SLC17A8: variants seen among roughly 807,000 people sequenced by gnomAD.
SLC17A8 encodes solute carrier family 17 member 8.
SLC17A8 carries 31 observed loss-of-function variants against 58.0 expected under a neutral mutation model. The ratio of observed to expected loss-of-function variants is 0.53; its 90% CI spans 0.40 to 0.72. The LOEUF is 0.72. Ranked by LOEUF, SLC17A8 falls within the 30% of genes least tolerant of loss-of-function variation. The pLI, the probability that SLC17A8 is intolerant of heterozygous loss-of-function variation, is 0.00. For synonymous variants in SLC17A8, 228 were observed against 249.0 expected (o/e 0.92, Z 0.79); for missense variants, 655 against 727.8 (o/e 0.90, Z 1.15).
chr12:100,416,699 T>C (rs1593009144), intron 10 of SLC17A8, among the ~76,000 whole-genome samples: 1 of 152,342 alleles, frequency 6.6e-6, no homozygotes, highest in Non-Finnish European at 1.5e-5. Flanking sequence ...ACTTTGCTAG[T>C]TCAGGGGAGA....
chr12:100,386,290 T>A (rs1049135112), intron 2 of SLC17A8, among the ~76,000 whole-genome samples: 8 of 152,190 alleles, frequency 5.3e-5, no homozygotes, highest in East Asian at 3.8e-4. Context: ...AAATTTATAA[T>A]TTTAAAAAAT....
chr12:100,383,676 G>A lies in SLC17A8; in HGVS notation c.354+2723G>A, dbSNP rs76259976. On this transcript the variant is annotated intron_variant, in intron 2 of 11. Coordinates refer to ENST00000323346, the MANE Select transcript of SLC17A8 (RefSeq NM_139319.3). ...AAATATGTGGCATATGTTCTACAAG[G>A]GGTATGAAGAGTGATTTTAACTAAA... Among the ~76,000 whole-genome samples the A allele has an allele frequency of 7.6e-4, 115 of 152,194 alleles. 1 individual carries two copies. The East Asian group carries it at 0.019, about 25-fold the overall frequency.
At chr12:100,396,496 T>A in intron 5 of SLC17A8, 79 bp downstream of exon 5, 1 of 1,166,878 alleles carries the variant, frequency 8.6e-7, no homozygotes, top group Non-Finnish European at 1.3e-6. Flanking sequence ...GCCTGTAATC[T>A]CAGCACTTTA....
At chr12:100,412,610 A>C (rs1031258674) in intron 9 of SLC17A8, among the ~76,000 whole-genome samples, 160 bp from the exon 10 acceptor site, 6 of 151,660 alleles carry the variant, frequency 4.0e-5, no homozygotes, top group Admixed American at 4.0e-4. Flanking sequence ...AAAAAAAAAA[A>C]ACTTAAATTC....
intron 9 of SLC17A8, among the ~76,000 whole-genome samples, chr12:100,406,090 ATATC>A (rs1327087972): frequency 6.6e-6 from 1 of 152,156 alleles, no homozygotes; most frequent in Admixed American, 6.6e-5. Context: ...AGCCCTGAAC[ATATC>A]TTTCTGTCTC....
intron 11 of SLC17A8, among the ~76,000 whole-genome samples, chr12:100,419,089 A>G (rs1008999539): frequency 2.0e-5 from 3 of 152,202 alleles, no homozygotes; most frequent in African/African-American, 7.2e-5. Context: ...TAATGGCTCA[A>G]ATATTGTTAT....
In SLC17A8 at chr12:100,397,174, G is replaced by C. The variant is rs558062650; in HGVS notation, c.676+757G>C. On this transcript the variant is annotated intron_variant, in intron 5 of 11. Transcript: ENST00000323346. The stretch of plus-strand genomic sequence containing the variant: ...AGGGTTGGAAGTGGTTGTTGGATTA[G>C]CCAACAAATGACATTTGCTAAGGAC... Among the ~76,000 whole-genome samples the C allele has an allele frequency of 9.7e-4, 148 of 152,222 alleles. 1 individual carries two copies. Among genetic ancestry groups the C allele is most frequent in the East Asian group, 1.2e-3 (6 of 5,180 alleles).
chr12:100,368,976 G>A (rs889988146), intron 1 of SLC17A8, among the ~76,000 whole-genome samples: 1 of 152,126 alleles, frequency 6.6e-6, no homozygotes, highest in African/African-American at 2.4e-5. Context: ...ATTTCGTAAA[G>A]AATGTTAAGA....
chr12:100,414,867 A>G (rs1434260633), intron 10 of SLC17A8, among the ~76,000 whole-genome samples: 1 of 152,208 alleles, frequency 6.6e-6, no homozygotes, highest in African/African-American at 2.4e-5. Context: ...TGGTAGCTCT[A>G]GGGTGGAGCC....
At chr12:100,389,354 C>T (rs1952697295) in intron 2 of SLC17A8, among the ~76,000 whole-genome samples, 1 of 152,156 alleles carries the variant, frequency 6.6e-6, no homozygotes, top group Admixed American at 6.5e-5. Flanking sequence ...TTTATCCCCA[C>T]ACATCCTATG....
Position 100,402,348 on chromosome 12 carries a change from G to T in SLC17A8, c.772G>T (p.Gly258Trp). Residue 258 changes from glycine to tryptophan, a missense_variant, in exon 7 of 12, where the codon GGG becomes TGG. Physicochemically the swap from Gly to Trp is radical, Grantham distance 184. Transcript: ENST00000323346. Reference protein sequence around the residue: ...SSVFYIYGMFGIIWYMFWLLQ... With the variant: ...SSVFYIYGMFWIIWYMFWLLQ... ...TTCTTTTTTAACTGCAGGCATGTTT[G>T]GGATTATTTGGTACATGTTTTGGCT... The T allele has an allele frequency of 6.2e-7, 1 of 1,614,112 alleles. No homozygotes were observed. Among genetic ancestry groups the T allele is most frequent in the South Asian group, 1.1e-5 (1 of 91,070 alleles).
At chr12:100,405,641 T>G (rs191631928) in intron 9 of SLC17A8, among the ~76,000 whole-genome samples, 58 of 152,330 alleles carry the variant, frequency 3.8e-4, no homozygotes, top group Admixed American at 1.8e-3. Context: ...AATGCAACTC[T>G]GTAGGCTGCT....
chr12:100,419,917 G>A lies in SLC17A8; in HGVS notation c.1528G>A (p.Ala510Thr), dbSNP rs762479436. 1.2e-6 allele frequency: 2 copies of A among 1,614,072 alleles called. No individual in the cohort carries two copies. Among genetic ancestry groups the A allele is most frequent in the Non-Finnish European group, 8.5e-7 (1 of 1,180,032 alleles). The change falls in exon 12 of 12, where the codon GCT (alanine) becomes ACT (threonine). Residue 510 changes from alanine (A) to threonine (T), a missense_variant. By Grantham distance (58) the Ala-to-Thr change is moderately conservative (BLOSUM62 0). Coordinates refer to ENST00000323346, the MANE Select transcript of SLC17A8 (RefSeq NM_139319.3). Reference sequence around the variant, plus strand: ...TGCTTCTGGGGAGAAACAGGAGTGGGCTGACCCAGAGAATCTCTCTGAGGA... The same window carrying A: ...TGCTTCTGGGGAGAAACAGGAGTGGACTGACCCAGAGAATCTCTCTGAGGA... The part of the protein sequence containing the change: ...VFASGEKQEW[A>T]DPENLSEEKC...
At chr12:100,387,850 T>C (rs1413529831) in intron 2 of SLC17A8, among the ~76,000 whole-genome samples, 4 of 152,216 alleles carry the variant, frequency 2.6e-5, no homozygotes, top group African/African-American at 9.6e-5. Context: ...CAATTACCTC[T>C]AGGTGTTTTA....
At chr12:100,370,697 A>T (rs886857554) in intron 1 of SLC17A8, among the ~76,000 whole-genome samples, 2 of 151,630 alleles carry the variant, frequency 1.3e-5, no homozygotes, top group Non-Finnish European at 2.9e-5. Context: ...ACATATGGCC[A>T]TTGGGCTTTC....
intron 2 of SLC17A8, among the ~76,000 whole-genome samples, chr12:100,385,699 G>T (rs1952669759): frequency 6.6e-6 from 1 of 152,126 alleles, no homozygotes; most frequent in Non-Finnish European, 1.5e-5. Flanking sequence ...TTGTGAAATG[G>T]GAATAAAAGG....
chr12:100,406,207 C>T (rs73376031), intron 9 of SLC17A8, among the ~76,000 whole-genome samples: 2,417 of 152,242 alleles, frequency 0.016, 65 homozygotes, highest in African/African-American at 0.054. Context: ...TCTTATGTTT[C>T]CTTAAAGCCA....
chr12:100,378,795 C>T (rs1006945124), intron 1 of SLC17A8, among the ~76,000 whole-genome samples: 1 of 152,234 alleles, frequency 6.6e-6, no homozygotes, highest in Admixed American at 6.5e-5. Flanking sequence ...TGGTTAGGTT[C>T]TTTTCCAATT....
chr12:100,401,168 T>G (rs140094307), intron 5 of SLC17A8, among the ~76,000 whole-genome samples: 216 of 151,974 alleles, frequency 1.4e-3, no homozygotes, highest in African/African-American at 5.0e-3. Flanking sequence ...AGGCTAATTT[T>G]TTGTATTTTT....
Sources: allele counts gnomAD v4.1 joint callset (sites outside exome capture counted in the v4.1 genomes callset), GRCh38; gene constraint gnomAD v4.1.1; transcripts MANE v1.5; gene names NCBI Gene and HGNC (gene_info 2026-07-23, HGNC 2026-07-21).